Variants in NRAS observed in about 807,000 individuals in gnomAD.
NRAS encodes the protein GTPase NRas.
NRAS carries 6 observed loss-of-function variants against 21.3 expected under a neutral mutation model. The ratio of observed to expected loss-of-function variants is 0.28; its 90% CI spans 0.15 to 0.56. NRAS has a LOEUF of 0.56. Ranked by LOEUF, NRAS falls within the 20% of genes least tolerant of loss-of-function variation. The pLI is 0.93. For missense variants in NRAS, 143 were observed against 231.3 expected (o/e 0.62, Z 2.48); for synonymous variants, 84 against 82.0 (o/e 1.02, Z -0.13).
intron 3 of NRAS, among the ~76,000 whole-genome samples, chr1:114,711,329 G>A (rs1258970380): frequency 6.6e-6 from 1 of 151,958 alleles, no homozygotes; most frequent in Non-Finnish European, 1.5e-5. Flanking sequence ...CGGGCACGGT[G>A]GTTCACACCT....
chr1:114,709,421 T>A, intron 4 of NRAS, 148 bp downstream of exon 4: 2 of 671,464 alleles, frequency 3.0e-6, no homozygotes, highest in Admixed American at 5.3e-5. Context: ...GAAGATAGAG[T>A]GAGACTCTGC....
Position 114,709,743 on chromosome 1 carries a change from A to G in NRAS, c.291-15T>C, listed in dbSNP as rs1310270330. 1.9e-6 allele frequency: 3 copies of G among 1,605,046 alleles called. No individual in the cohort carries two copies. Among genetic ancestry groups the G allele is most frequent in the Non-Finnish European group, 2.6e-6 (3 of 1,171,862 alleles). On this transcript the variant is annotated splice_polypyrimidine_tract_variant and intron_variant, in intron 3 of 6. Transcript: ENST00000369535. ...TAATCTGCTCCCTAAAAACGGGAAT[A>G]TATTATCAGAACATAAGAAAAACAA...
At chr1:114,709,755 C>T in intron 3 of NRAS, 27 bp from the exon 4 acceptor site, 4 of 1,599,910 alleles carry the variant, frequency 2.5e-6, no homozygotes, top group Non-Finnish European at 3.4e-6. Context: ...ATTATCAGAA[C>T]ATAAGAAAAA....
At chr1:114,714,315 C>T (rs537883067) in intron 2 of NRAS, among the ~76,000 whole-genome samples, 2 of 152,314 alleles carry the variant, frequency 1.3e-5, no homozygotes, top group South Asian at 4.1e-4. Flanking sequence ...GTGTATTTCA[C>T]TAAGCTATGA....
In NRAS at chr1:114,706,173, G is replaced by C. The variant is rs372173449; in HGVS notation, c.*1921C>G. ...AACTCTGCAGGTTCATTATACTCTG[G>C]ACACAGTATATGTTTCTTCTCTTCT... On this transcript the variant is annotated 3_prime_UTR_variant, in exon 7 of 7. Coordinates refer to ENST00000369535, the MANE Select transcript of NRAS (RefSeq NM_002524.5). The C allele has an allele frequency of 3.9e-5, 6 of 152,120 alleles. No homozygotes were observed. The highest frequency in any genetic ancestry group is 3.9e-4 in the East Asian group (2 of 5,186). 9.4% of individuals were successfully genotyped at this position (152,120 alleles called of 1,614,324 possible).
At chr1:114,710,226 TA>T (rs1659013183) in intron 3 of NRAS, among the ~76,000 whole-genome samples, 1 of 38,806 alleles carries the variant, frequency 2.6e-5, no homozygotes, top group Non-Finnish European at 3.7e-5. Context: ...ATAAAATATA[TA>T]AAAATAAATA....
At chr1:114,713,779 A>G (rs770286353) in intron 3 of NRAS, 21 bp downstream of exon 3, 4 of 1,594,548 alleles carry the variant, frequency 2.5e-6, no homozygotes, top group Non-Finnish European at 3.4e-6. Context: ...ATCCTTTCAG[A>G]GAAAATAATG....
chr1:114,710,210 AT>A (rs1276588298), intron 3 of NRAS, among the ~76,000 whole-genome samples: 4 of 100,306 alleles, frequency 4.0e-5, no homozygotes, highest in African/African-American at 1.3e-4. Context: ...CCCCCAAAAA[AT>A]ATATATAAAA....
intron 3 of NRAS, 78 bp downstream of exon 3, chr1:114,713,722 T>A: frequency 8.2e-7 from 1 of 1,217,572 alleles, no homozygotes. Flanking sequence ...CTATCTTCCC[T>A]AGTGTGGTAA....
rs554225673 is a variant in NRAS, at chr1:114,706,486, T to C, written c.*1608A>G. The C allele has an allele frequency of 6.6e-6, 1 of 152,338 alleles. No individual in the cohort carries two copies. Among genetic ancestry groups the C allele is most frequent in the African/African-American group, 2.4e-5 (1 of 41,572 alleles). 9.4% of individuals were successfully genotyped at this position (152,338 alleles called of 1,614,324 possible). On this transcript the variant is annotated 3_prime_UTR_variant, in exon 7 of 7. Transcript: ENST00000369535. ...TTTTGAGCAAACTCATCAGCTTAGA[T>C]TTATCAACATCTTGTTTTAAACCCT...
chr1:114,709,187 A>G (rs933879413), intron 4 of NRAS, among the ~76,000 whole-genome samples: 1 of 152,230 alleles, frequency 6.6e-6, no homozygotes, highest in Non-Finnish European at 1.5e-5. Flanking sequence ...CTGTAATCCC[A>G]GCACTCTGGG....
chr1:114,710,249 T>TAA (rs1557981621), intron 3 of NRAS, among the ~76,000 whole-genome samples: 5 of 101,100 alleles, frequency 4.9e-5, no homozygotes, highest in East Asian at 6.1e-4. Context: ...ATATTATATA[T>TAA]ATTATATATA....
chr1:114,706,753 T>C lies in NRAS; in HGVS notation c.*1341A>G, dbSNP rs1658927516. 6.6e-6 allele frequency: 1 copy of C among 152,226 alleles called. No individual in the cohort carries two copies. The highest frequency in any genetic ancestry group is 1.5e-5 in the Non-Finnish European group (1 of 68,040). The allele number at this position is 152,226 out of a possible 1,614,324, so 9.4% of individuals were successfully genotyped here. ...TTACTAGCTGGAGTTACTGGTGCAA[T>C]GAGCAAATGCAGAAGAATTTCTTTC... On this transcript the variant is annotated 3_prime_UTR_variant, in exon 7 of 7. Transcript: ENST00000369535.
chr1:114,713,983 G>A lies in NRAS; in HGVS notation c.112-5C>T, dbSNP rs2101742213. 3.2e-6 allele frequency: 5 copies of A among 1,585,314 alleles called. No homozygotes were observed. The highest frequency in any genetic ancestry group is 4.3e-6 in the Non-Finnish European group (5 of 1,156,950). On this transcript the variant is annotated splice_polypyrimidine_tract_variant and splice_region_variant and intron_variant, in intron 2 of 6. Coordinates refer to ENST00000369535, the MANE Select transcript of NRAS (RefSeq NM_002524.5). ...CACTTGTTTTCTGTAAGAATCCTGG[G>A]GGTGTGGAGGGTAAGGGGGCAGGGA...
rs758669528 is a variant in NRAS at position 114,708,614 on chromosome 1, C to A, written c.491G>T (p.Arg164Leu). The change falls in exon 5 of 7, where the codon CGC becomes CTC. Residue 164 changes from arginine (R) to leucine (L), a missense_variant. Transcript: ENST00000369535. The part of the protein sequence containing the change: ...DAFYTLVREI[R>L]QYRMKKLNSS... ...GTTGAGTTTTTTCATTCGGTACTGGCGTATTTCTCTTACCAGTGTGTAAAA... is the reference window on the plus strand; with the variant it reads ...GTTGAGTTTTTTCATTCGGTACTGGAGTATTTCTCTTACCAGTGTGTAAAA... The A allele has an allele frequency of 2.5e-6, 4 of 1,612,162 alleles. No homozygotes were observed. The highest frequency in any genetic ancestry group is 2.5e-6 in the Non-Finnish European group (3 of 1,178,462).
rs1658959714 is a variant in NRAS at position 114,708,194 on chromosome 1, T to C, written c.*5-2A>G. The C allele has an allele frequency of 3.9e-6, 1 of 259,332 alleles. No individual in the cohort carries two copies. Among genetic ancestry groups the C allele is most frequent in the African/African-American group, 2.2e-5 (1 of 44,884 alleles). The allele number at this position is 259,332 out of a possible 1,614,324, so 16.1% of individuals were successfully genotyped here. A position where few individuals can be genotyped will look rare whatever the true frequency, so the allele number is the denominator to read the frequency against. On this transcript the variant is annotated splice_acceptor_variant, in intron 5 of 6. Coordinates refer to ENST00000369535, the MANE Select transcript of NRAS (RefSeq NM_002524.5). LOFTEE classifies it low-confidence loss of function (3UTR_SPLICE). Reference sequence around the variant, plus strand: ...TTTCTGACAAAACTTTAAAAGTATCTGTAAAAAAAGAACAGAAACCATGTC... The same window carrying C: ...TTTCTGACAAAACTTTAAAAGTATCCGTAAAAAAAGAACAGAAACCATGTC...
In NRAS at chr1:114,706,062, G is replaced by A. The variant is rs1658913515; in HGVS notation, c.*2032C>T. 6.6e-6 allele frequency: 1 copy of A among 152,176 alleles called. No homozygotes were observed. The highest frequency in any genetic ancestry group is 1.5e-5 in the Non-Finnish European group (1 of 68,032). 9.4% of individuals were successfully genotyped at this position (152,176 alleles called of 1,614,324 possible). Reference sequence around the variant, plus strand: ...AAAATTACAGAGTAGCACTGCTCCAGAAGGAGCAGAAACAGAAAAGCAGAA... The same window carrying A: ...AAAATTACAGAGTAGCACTGCTCCAAAAGGAGCAGAAACAGAAAAGCAGAA... On this transcript the variant is annotated 3_prime_UTR_variant, in exon 7 of 7. Coordinates refer to ENST00000369535, the MANE Select transcript of NRAS (RefSeq NM_002524.5).
In NRAS at chr1:114,704,724, C is replaced by T. The variant is rs1202293996; in HGVS notation, c.*3370G>A. The T allele has an allele frequency of 1.3e-5, 2 of 152,226 alleles. No individual in the cohort carries two copies. The highest frequency in any genetic ancestry group is 4.8e-5 in the African/African-American group (2 of 41,452). 9.4% of individuals were successfully genotyped at this position (152,226 alleles called of 1,614,324 possible). On this transcript the variant is annotated 3_prime_UTR_variant, in exon 7 of 7. Coordinates refer to ENST00000369535, the MANE Select transcript of NRAS (RefSeq NM_002524.5). Reference sequence around the variant, plus strand: ...ACAACTTCCACGGACATCCTCCCCTCCCTCCAGAGCAGAGTTCATACAATT... The same window carrying T: ...ACAACTTCCACGGACATCCTCCCCTTCCTCCAGAGCAGAGTTCATACAATT...
rs1658881618 is a variant in NRAS at position 114,705,135 on chromosome 1, A to AC, written c.*2958dup. 1 of 150,216 alleles carries AC rather than the reference A, an allele frequency of 6.7e-6. No homozygotes were observed. The highest frequency in any genetic ancestry group is 1.5e-5 in the Non-Finnish European group (1 of 67,168). The allele number at this position is 150,216 out of a possible 1,614,324, so 9.3% of individuals were successfully genotyped here. Reference sequence around the variant, plus strand: ...TCACAAGCTCTGGAATGGTAAAAAAACCCCACATATCTCTAAAGTGTTTCT... The same window carrying AC: ...TCACAAGCTCTGGAATGGTAAAAAAACCCCCACATATCTCTAAAGTGTTTCT... On this transcript the variant is annotated 3_prime_UTR_variant, in exon 7 of 7. Coordinates refer to ENST00000369535, the MANE Select transcript of NRAS (RefSeq NM_002524.5).
Sources: gnomAD v4.1 joint callset for allele counts (sites outside exome capture counted in the v4.1 genomes callset) on GRCh38, gnomAD v4.1.1 for gene constraint, MANE v1.5 for transcripts, NCBI Gene and HGNC (gene_info 2026-07-23, HGNC 2026-07-21) for gene names.